Variants in PTK2 observed in about 807,000 individuals in gnomAD.
PTK2 encodes the protein focal adhesion kinase 1.
A neutral mutation model predicts 150.1 loss-of-function variants in PTK2; 45 were observed. The observed-to-expected ratio is 0.30, with a 90% CI of 0.24 to 0.38. The LOEUF is 0.38. PTK2 is among the 10% of genes least tolerant of loss of function. The pLI is 1.00. For missense variants in PTK2, 919 were observed against 1,307.3 expected (o/e 0.70, Z 4.58); for synonymous variants, 432 against 449.2 (o/e 0.96, Z 0.48).
intron 1 of PTK2, among the ~76,000 whole-genome samples, chr8:140,988,000 AC>A (rs1463937704): frequency 6.6e-6 from 1 of 151,216 alleles, no homozygotes; most frequent in Non-Finnish European, 1.5e-5. Flanking sequence ...AGCAGTGATC[AC>A]ACCACTGCAC....
chr8:140,885,358 T>A (rs374632330), intron 3 of PTK2, among the ~76,000 whole-genome samples: 9 of 152,338 alleles, frequency 5.9e-5, no homozygotes, highest in East Asian at 5.8e-4. Flanking sequence ...CTATACCTAC[T>A]GAGCACTTGG....
At chr8:140,866,856 G>A (rs897094904) in intron 4 of PTK2, among the ~76,000 whole-genome samples, 1 of 152,164 alleles carries the variant, frequency 6.6e-6, no homozygotes, top group Non-Finnish European at 1.5e-5. Flanking sequence ...AATCAAAGGG[G>A]AATAACAAAT....
intron 28 of PTK2, among the ~76,000 whole-genome samples, chr8:140,675,110 T>C (rs2100012837): frequency 6.7e-6 from 1 of 148,866 alleles, no homozygotes; most frequent in South Asian, 2.1e-4. Context: ...GCTAAATAAA[T>C]GCCTACTGCT....
intron 5 of PTK2, among the ~76,000 whole-genome samples, chr8:140,862,329 G>C (rs2100136681): frequency 6.6e-6 from 1 of 151,934 alleles, no homozygotes; most frequent in Non-Finnish European, 1.5e-5. Context: ...AAACTCTCTT[G>C]TTATCTCCTT....
intron 13 of PTK2, among the ~76,000 whole-genome samples, chr8:140,792,229 G>C (rs1272681191): frequency 2.6e-5 from 4 of 152,188 alleles, no homozygotes; most frequent in East Asian, 1.9e-4. Context: ...GGTTTATGCT[G>C]AACTCTTGCT....
intron 14 of PTK2, among the ~76,000 whole-genome samples, chr8:140,777,774 A>C (rs2100079273): frequency 6.6e-6 from 1 of 152,186 alleles, no homozygotes; most frequent in Non-Finnish European, 1.5e-5. Flanking sequence ...AGAGATGACC[A>C]TATGACATCA....
intron 16 of PTK2, among the ~76,000 whole-genome samples, chr8:140,753,519 T>C (rs1353391823): frequency 1.3e-5 from 2 of 152,062 alleles, no homozygotes; most frequent in African/African-American, 2.4e-5. Context: ...CCAAGGGAGA[T>C]GAGAGAGGTC....
At chr8:140,845,176 T>C (rs1457252449) in intron 7 of PTK2, among the ~76,000 whole-genome samples, 1 of 152,120 alleles carries the variant, frequency 6.6e-6, no homozygotes, top group Non-Finnish European at 1.5e-5. Context: ...CTCACAAATA[T>C]GGAATTCTAA....
intron 10 of PTK2, among the ~76,000 whole-genome samples, chr8:140,814,088 C>T (rs1485228442): frequency 6.6e-6 from 1 of 152,152 alleles, no homozygotes; most frequent in African/African-American, 2.4e-5. Context: ...TATAAACCCT[C>T]CCAAGACTGA....
rs1342650612 is a variant in PTK2 at position 140,927,971 on chromosome 8, A to T, written c.-121-2222T>A. 6.8e-3 allele frequency among the ~76,000 whole-genome samples: 455 copies of T among 66,790 alleles called. 1 individual carries two copies. Among genetic ancestry groups the T allele is most frequent in the African/African-American group, 0.016 (258 of 16,354 alleles). The allele number at this position is 66,790 out of a possible 152,430, so 43.8% of individuals were successfully genotyped here. A position where few individuals can be genotyped will look rare whatever the true frequency, so the allele number is the denominator to read the frequency against. On this transcript the variant is annotated intron_variant, in intron 1 of 31. Coordinates refer to ENST00000522684, the Ensembl canonical transcript of PTK2. Reference sequence around the variant, plus strand: ...AAAAAAAAAAAAGAAAAAAAAAAAAAAAAAATATATATATATATATATGTA... The same window carrying T: ...AAAAAAAAAAAAGAAAAAAAAAAAATAAAAATATATATATATATATATGTA...
intron 16 of PTK2, among the ~76,000 whole-genome samples, chr8:140,756,239 C>T (rs1164700767): frequency 6.6e-6 from 1 of 151,122 alleles, no homozygotes; most frequent in Non-Finnish European, 1.5e-5. Flanking sequence ...AGGAGAATCG[C>T]CTGAACCCGG....
At chr8:140,860,412 G>A (rs1199872077) in intron 5 of PTK2, among the ~76,000 whole-genome samples, 1 of 152,132 alleles carries the variant, frequency 6.6e-6, no homozygotes, top group Non-Finnish European at 1.5e-5. Flanking sequence ...CCAACAAACT[G>A]GAGGACGTGA....
chr8:140,955,079 C>G (rs755770747), intron 1 of PTK2, among the ~76,000 whole-genome samples: 3 of 152,180 alleles, frequency 2.0e-5, no homozygotes, highest in African/African-American at 4.8e-5. Flanking sequence ...TAATCTGACA[C>G]AAAGTTAGCT....
At chr8:140,982,285 G>A (rs894502456) in intron 1 of PTK2, among the ~76,000 whole-genome samples, 2 of 152,212 alleles carry the variant, frequency 1.3e-5, no homozygotes, top group Non-Finnish European at 2.9e-5. Context: ...CATTAAGATA[G>A]ATACACACTG....
chr8:140,686,722 A>C, intron 26 of PTK2, 28 bp from the exon 30 acceptor site: 1 of 1,589,622 alleles, frequency 6.3e-7, no homozygotes, highest in South Asian at 1.1e-5. Context: ...AAATCAAAAC[A>C]ATTTCATTTT....
intron 3 of PTK2, among the ~76,000 whole-genome samples, chr8:140,881,641 T>C (rs985264367): frequency 1.3e-5 from 2 of 152,216 alleles, no homozygotes; most frequent in African/African-American, 4.8e-5. Flanking sequence ...TAACCTGATG[T>C]TGAATATAAG....
At chr8:140,727,715 A>G (rs189057610) in intron 22 of PTK2, among the ~76,000 whole-genome samples, 3 of 152,314 alleles carry the variant, frequency 2.0e-5, no homozygotes, top group Non-Finnish European at 4.4e-5. Context: ...TCACAGATTA[A>G]TATTTTAAAA....
At chr8:140,722,496 G>C (rs902993249) in intron 22 of PTK2, among the ~76,000 whole-genome samples, 1 of 152,148 alleles carries the variant, frequency 6.6e-6, no homozygotes, top group African/African-American at 2.4e-5. Context: ...TTGAACTCCT[G>C]GGCTGGAGTG....
chr8:140,780,591 C>T (rs1468499354), intron 14 of PTK2, among the ~76,000 whole-genome samples: 1 of 152,190 alleles, frequency 6.6e-6, no homozygotes, highest in Non-Finnish European at 1.5e-5. Flanking sequence ...CAACTAGTAA[C>T]AATCAACCAA....
Sources: allele counts gnomAD v4.1 joint callset (sites outside exome capture counted in the v4.1 genomes callset), GRCh38; gene constraint gnomAD v4.1.1; transcripts MANE v1.5; gene names NCBI Gene and HGNC (gene_info 2026-07-23, HGNC 2026-07-21).